Variants in ARHGAP28 observed in about 807,000 individuals in gnomAD.
ARHGAP28 encodes the protein Rho GTPase activating protein 28.
Under a neutral mutation model 90.7 loss-of-function variants are expected in ARHGAP28, and 56 were observed. The ratio of observed to expected loss-of-function variants is 0.62; its 90% CI spans 0.50 to 0.77. The LOEUF (loss-of-function observed/expected upper bound fraction) is 0.77. Ranked by LOEUF, ARHGAP28 falls within the 30% of genes least tolerant of loss-of-function variation. The probability of loss-of-function intolerance (pLI) is 0.00; values close to 1 mark genes in which losing one functional copy is unlikely to be tolerated. For synonymous variants in ARHGAP28, 308 were observed against 323.3 expected, an observed-to-expected ratio of 0.95 and a Z score of 0.51; for missense variants, 869 against 900.9, an observed-to-expected ratio of 0.96 and a Z score of 0.45.
chr18:6,876,713 G>A (rs1381593810), intron 10 of ARHGAP28, among the ~76,000 whole-genome samples: 1 of 152,148 alleles, frequency 6.6e-6, no homozygotes, highest in Non-Finnish European at 1.5e-5. Flanking sequence ...GGAATTTGTA[G>A]CAATGGCTAT....
At chr18:6,814,102 T>C (rs1285877804) in intron 1 of ARHGAP28, among the ~76,000 whole-genome samples, 1 of 152,112 alleles carries the variant, frequency 6.6e-6, no homozygotes, top group Non-Finnish European at 1.5e-5. Context: ...AAAAGCATAT[T>C]GTGAAAGAAG....
In ARHGAP28 at chr18:6,828,384, GGAGGAGAGAGGAGA is replaced by G. The variant is rs371085342; in HGVS notation, c.325+3438_325+3451del. On this transcript the variant is annotated intron_variant, in intron 2 of 17. Coordinates refer to ENST00000383472, the MANE Select transcript of ARHGAP28 (RefSeq NM_001366230.1). The stretch of plus-strand genomic sequence containing the variant: ...GACCGTGGGGAGAGGGAGAGACAGA[GGAGGAGAGAGGAGA>G]GAGGAGAGAGGAGAGAGCTCTTTAG... Among the ~76,000 whole-genome samples the G allele has an allele frequency of 8.4e-3, 1,268 of 151,734 alleles. 17 individuals are homozygous for G. Among genetic ancestry groups the G allele is most frequent in the African/African-American group, 0.029 (1,186 of 41,134 alleles).
chr18:6,771,231 G>T (rs2056240455), intron 1 of ARHGAP28, among the ~76,000 whole-genome samples: 1 of 151,812 alleles, frequency 6.6e-6, no homozygotes, highest in Non-Finnish European at 1.5e-5. Flanking sequence ...AGAGATGAGT[G>T]GGGTATCTCA....
chr18:6,865,900 T>C (rs987864988), intron 5 of ARHGAP28, among the ~76,000 whole-genome samples: 1 of 152,180 alleles, frequency 6.6e-6, no homozygotes, highest in Non-Finnish European at 1.5e-5. Context: ...GAGAAACACA[T>C]GTGGTTGATC....
intron 9 of ARHGAP28, among the ~76,000 whole-genome samples, chr18:6,875,410 A>G (rs2057123255): frequency 6.6e-6 from 1 of 152,122 alleles, no homozygotes; most frequent in Non-Finnish European, 1.5e-5. Flanking sequence ...TGAAAGGAAA[A>G]TAGCAGAGAA....
At chr18:6,730,037 C>G (rs915611810) in intron 1 of ARHGAP28, 94 bp downstream of exon 1, 21 of 1,194,286 alleles carry the variant, frequency 1.8e-5, no homozygotes, top group Non-Finnish European at 2.0e-5. Context: ...GCACGACCGC[C>G]GTCACTGGAT....
At chr18:6,733,389 C>T (rs950160682) in intron 1 of ARHGAP28, among the ~76,000 whole-genome samples, 4 of 152,032 alleles carry the variant, frequency 2.6e-5, no homozygotes, top group Non-Finnish European at 5.9e-5. Context: ...TCCTTTTGAG[C>T]TTTTGGGATT....
intron 1 of ARHGAP28, among the ~76,000 whole-genome samples, chr18:6,761,053 T>C (rs2056155460): frequency 6.6e-6 from 1 of 151,828 alleles, no homozygotes; most frequent in Non-Finnish European, 1.5e-5. Context: ...CACGTAAACA[T>C]ACACAAAACA....
intron 1 of ARHGAP28, among the ~76,000 whole-genome samples, chr18:6,746,784 G>A (rs964067010): frequency 6.6e-6 from 1 of 152,182 alleles, no homozygotes; most frequent in Admixed American, 6.5e-5. Context: ...CTTAGCTCAT[G>A]TGTTTTAAAG....
intron 1 of ARHGAP28, among the ~76,000 whole-genome samples, chr18:6,795,765 T>C (rs1483831086): frequency 6.6e-6 from 1 of 152,192 alleles, no homozygotes; most frequent in African/African-American, 2.4e-5. Flanking sequence ...CTGGGCAAGC[T>C]GGGTGTAGCC....
In ARHGAP28 at chr18:6,862,827, A is replaced by G. The variant is rs529384929; in HGVS notation, c.726+2930A>G. ...GTCTTTCCATTTATGTGTGTCTTCT[A>G]TCCTTCAGTGAGGTTTTATAATTTA... On this transcript the variant is annotated intron_variant, in intron 5 of 17. Coordinates refer to ENST00000383472, the MANE Select transcript of ARHGAP28 (RefSeq NM_001366230.1). Among the ~76,000 whole-genome samples, 6 of 152,346 alleles carry G rather than the reference A, an allele frequency of 3.9e-5. No homozygotes were observed. In the South Asian group the frequency reaches 1.2e-3, roughly 32 times the overall value.
chr18:6,841,203 C>CTCTCTCTCTCTCT (rs754874496), intron 3 of ARHGAP28, among the ~76,000 whole-genome samples: 7 of 41,972 alleles, frequency 1.7e-4, no homozygotes, highest in Admixed American at 5.7e-4. Context: ...CTCTCTCTCT[C>CTCTCTCTCTCTCT]CTCTCCTCTC....
At chr18:6,818,105 C>T (rs1016050605) in intron 1 of ARHGAP28, among the ~76,000 whole-genome samples, 7 of 152,168 alleles carry the variant, frequency 4.6e-5, no homozygotes, top group Non-Finnish European at 7.3e-5. Flanking sequence ...ATTCACTCCT[C>T]GTAACAGCCC....
At chr18:6,790,017 CAAAG>C (rs1199085827) in intron 1 of ARHGAP28, 1 of 151,862 alleles carries the variant, frequency 6.6e-6, no homozygotes, top group African/African-American at 2.4e-5. Flanking sequence ...TTACAAAACA[CAAAG>C]AGAGACGGGG....
At chr18:6,768,290 C>T (rs2056215634) in intron 1 of ARHGAP28, among the ~76,000 whole-genome samples, 1 of 151,888 alleles carries the variant, frequency 6.6e-6, no homozygotes, top group Non-Finnish European at 1.5e-5. Context: ...TGTTTTTGAG[C>T]CTCATTTTCT....
intron 6 of ARHGAP28, 138 bp downstream of exon 6, chr18:6,868,372 G>A (rs576517554): frequency 3.8e-5 from 27 of 701,566 alleles, no homozygotes; most frequent in Non-Finnish European, 6.2e-5. Context: ...CACTTCCATC[G>A]CTCACTCCTT....
At chr18:6,790,700 T>C (rs1218696621) in intron 1 of ARHGAP28, 1 of 151,992 alleles carries the variant, frequency 6.6e-6, no homozygotes, top group Non-Finnish European at 1.5e-5. Flanking sequence ...TAGAAATTCG[T>C]GGGAGAGAGA....
chr18:6,881,524 A>G (rs1047663023), intron 10 of ARHGAP28, among the ~76,000 whole-genome samples: 18 of 152,220 alleles, frequency 1.2e-4, no homozygotes, highest in Non-Finnish European at 2.5e-4. Context: ...GGTTTTTTTA[A>G]AAGTATTTGC....
intron 4 of ARHGAP28, among the ~76,000 whole-genome samples, chr18:6,853,118 A>C (rs1209504361): frequency 1.3e-5 from 2 of 152,166 alleles, no homozygotes; most frequent in East Asian, 3.9e-4. Context: ...TGCCTGGTTC[A>C]TCTGGCATGC....
Sources: allele counts gnomAD v4.1 joint callset (sites outside exome capture counted in the v4.1 genomes callset), GRCh38; gene constraint gnomAD v4.1.1; transcripts MANE v1.5; gene names NCBI Gene and HGNC (gene_info 2026-07-23, HGNC 2026-07-21).